TTC39C: variants seen among roughly 807,000 people sequenced by gnomAD.
The protein encoded by TTC39C is tetratricopeptide repeat domain 39C, also known as tetratricopeptide repeat protein 39C.
A neutral mutation model predicts 76.3 loss-of-function variants in TTC39C; 33 were observed. The ratio of observed to expected loss-of-function variants is 0.43; its 90% CI spans 0.33 to 0.58. The LOEUF (loss-of-function observed/expected upper bound fraction) is 0.58, where lower values mean the gene tolerates loss of function less well. TTC39C is among the 20% of genes least tolerant of loss of function. The pLI, the probability that TTC39C is intolerant of heterozygous loss-of-function variation, is 0.04. For missense variants in TTC39C, 595 were observed against 701.4 expected, an observed-to-expected ratio of 0.85 and a Z score of 1.71; for synonymous variants, 254 against 260.6, an observed-to-expected ratio of 0.97 and a Z score of 0.24.
intron 1 of TTC39C, chr18:24,020,386 GTC>G (rs755121465): frequency 1.5e-5 from 12 of 814,230 alleles, no homozygotes; most frequent in Non-Finnish European, 1.5e-5. Flanking sequence ...TATAGTGTAA[GTC>G]TCTGTAAGTG....
At chr18:24,130,228 C>T (rs1307065944) in intron 11 of TTC39C, 85 bp from the exon 12 acceptor site, 1 of 630,560 alleles carries the variant, frequency 1.6e-6, no homozygotes, top group African/African-American at 2.0e-5. Context: ...ATGAGTCCCC[C>T]TTCCCGCCCC....
intron 4 of TTC39C, among the ~76,000 whole-genome samples, chr18:24,080,326 C>G (rs1038365920): frequency 6.6e-6 from 1 of 152,174 alleles, no homozygotes; most frequent in African/African-American, 2.4e-5. Flanking sequence ...ACTCTAGGTA[C>G]TGCATGAAGG....
At chr18:24,073,767 G>A (rs980114796) in intron 4 of TTC39C, among the ~76,000 whole-genome samples, 1 of 152,176 alleles carries the variant, frequency 6.6e-6, no homozygotes, top group East Asian at 1.9e-4. Flanking sequence ...CAATCCTTCC[G>A]CCTTGTCCTC....
chr18:24,030,343 C>G (rs1230041465), intron 1 of TTC39C, among the ~76,000 whole-genome samples: 1 of 152,146 alleles, frequency 6.6e-6, no homozygotes, highest in Non-Finnish European at 1.5e-5. Flanking sequence ...TTGAGAAAAC[C>G]TGTTTAAAAA....
At chr18:24,126,943 G>C (rs2085058620) in intron 10 of TTC39C, among the ~76,000 whole-genome samples, 1 of 152,186 alleles carries the variant, frequency 6.6e-6, no homozygotes, top group South Asian at 2.1e-4. Context: ...AAATACACAA[G>C]TACAGGATCA....
intron 7 of TTC39C, chr18:24,115,162 C>G (rs1180985643): frequency 6.5e-6 from 1 of 152,748 alleles, no homozygotes; most frequent in Admixed American, 6.5e-5. Context: ...GGGCCTGGCA[C>G]GGAAGGCCCT....
At chr18:24,040,979 G>A (rs1273646548) in intron 1 of TTC39C, among the ~76,000 whole-genome samples, 1 of 152,192 alleles carries the variant, frequency 6.6e-6, no homozygotes, top group African/African-American at 2.4e-5. Flanking sequence ...AGTTTAAAAT[G>A]AAAGTGGCGT....
chr18:24,031,447 C>T (rs2083669548), intron 1 of TTC39C, among the ~76,000 whole-genome samples: 1 of 152,214 alleles, frequency 6.6e-6, no homozygotes, highest in African/African-American at 2.4e-5. Context: ...AGTTTTCTAG[C>T]CCTGATCTTC....
In TTC39C at chr18:24,128,872, C is replaced by G; in HGVS notation, c.1421-14C>G. 6.2e-7 allele frequency: 1 copy of G among 1,608,646 alleles called. No homozygotes were observed. On this transcript the variant is annotated splice_polypyrimidine_tract_variant and intron_variant, in intron 10 of 13. Transcript: ENST00000317571. Reference sequence around the variant, plus strand: ...CATTTGCTTACTGCTCTGTTCACTCCCCTTCTTTTTAAGCTTGCCATGAAG... The same window carrying G: ...CATTTGCTTACTGCTCTGTTCACTCGCCTTCTTTTTAAGCTTGCCATGAAG...
In TTC39C at chr18:24,124,055, A is replaced by G. The variant is rs2085013892; in HGVS notation, c.1296+112A>G. The G allele has an allele frequency of 4.2e-6, 3 of 711,042 alleles. No individual in the cohort carries two copies. The Admixed American group carries it at 8.8e-5, about 21-fold the overall frequency. The allele number at this position is 711,042 out of a possible 1,614,324, so 44.0% of individuals were successfully genotyped here. A position where few individuals can be genotyped will look rare whatever the true frequency, so the allele number is the denominator to read the frequency against. On this transcript the variant is annotated intron_variant, in intron 9 of 13. Coordinates refer to ENST00000317571, the MANE Select transcript of TTC39C (RefSeq NM_001135993.2). ...TCAAGGCTGCCTATTTACTTGCCAC[A>G]TAAAGTGCAGTTCACCGCCATGCAG...
intron 1 of TTC39C, among the ~76,000 whole-genome samples, chr18:24,041,815 T>C (rs1348081304): frequency 6.6e-6 from 1 of 152,236 alleles, no homozygotes; most frequent in Non-Finnish European, 1.5e-5. Flanking sequence ...TTAACATTTG[T>C]AAACATTTGC....
chr18:24,047,541 GTTTC>G (rs1304286851), intron 1 of TTC39C, among the ~76,000 whole-genome samples: 1 of 152,078 alleles, frequency 6.6e-6, no homozygotes, highest in African/African-American at 2.4e-5. Context: ...ATTGTATAGT[GTTTC>G]TTTCTTTCCT....
intron 4 of TTC39C, among the ~76,000 whole-genome samples, chr18:24,079,605 A>G (rs2084351152): frequency 6.6e-6 from 1 of 152,222 alleles, no homozygotes; most frequent in Non-Finnish European, 1.5e-5. Flanking sequence ...CAATTCTGAT[A>G]AGGTGTGCTT....
chr18:24,095,585 G>A (rs1419906876), intron 6 of TTC39C, among the ~76,000 whole-genome samples: 1 of 152,152 alleles, frequency 6.6e-6, no homozygotes, highest in Non-Finnish European at 1.5e-5. Flanking sequence ...TGTAATCCCA[G>A]CTACTTGGGA....
chr18:24,069,112 T>C, intron 3 of TTC39C, 45 bp from the exon 4 acceptor site: 1 of 1,411,690 alleles, frequency 7.1e-7, no homozygotes, highest in Non-Finnish European at 1.0e-6. Context: ...GAACTGTCGT[T>C]GTTATGTGTG....
chr18:24,034,188 A>T (rs937646776), intron 1 of TTC39C, among the ~76,000 whole-genome samples: 1 of 152,248 alleles, frequency 6.6e-6, no homozygotes, highest in African/African-American at 2.4e-5. Flanking sequence ...GAAAGATCTC[A>T]CAACATCGAA....
intron 6 of TTC39C, among the ~76,000 whole-genome samples, chr18:24,102,363 C>A (rs896969096): frequency 2.0e-5 from 3 of 152,218 alleles, no homozygotes; most frequent in African/African-American, 7.2e-5. Flanking sequence ...CATAACTACT[C>A]TATCCATTAT....
intron 1 of TTC39C, among the ~76,000 whole-genome samples, chr18:24,044,238 G>C (rs1263791230): frequency 6.6e-6 from 1 of 152,328 alleles, no homozygotes; most frequent in East Asian, 1.9e-4. Flanking sequence ...CTGAAGAGGA[G>C]AGGGGTGGAT....
At chr18:24,037,958 C>A (rs1168127333) in intron 1 of TTC39C, among the ~76,000 whole-genome samples, 2 of 152,132 alleles carry the variant, frequency 1.3e-5, no homozygotes, top group Non-Finnish European at 2.9e-5. Context: ...GCAGGTGAGG[C>A]CTCAGCCTGG....
Sources: gnomAD v4.1 joint callset for allele counts (sites outside exome capture counted in the v4.1 genomes callset) on GRCh38, gnomAD v4.1.1 for gene constraint, MANE v1.5 for transcripts, NCBI Gene and HGNC (gene_info 2026-07-23, HGNC 2026-07-21) for gene names.